The following ERICH3 variants were observed in gnomAD, a reference collection of about 807,000 sequenced individuals.
ERICH3 encodes glutamate rich 3.
ERICH3 carries 126 observed loss-of-function variants against 131.1 expected under a neutral mutation model. The ratio of observed to expected loss-of-function variants is 0.96; its 90% CI spans 0.83 to 1.11. The LOEUF (loss-of-function observed/expected upper bound fraction) is 1.11. Ranked by LOEUF, ERICH3 falls within the 50% of genes most tolerant of loss-of-function variation. The pLI is 0.00. For synonymous variants in ERICH3, 695 were observed against 644.6 expected, an observed-to-expected ratio of 1.08 and a Z score of -1.18; for missense variants, 2,050 against 1,810.7, an observed-to-expected ratio of 1.13 and a Z score of -2.40.
At position 74,620,846 on chromosome 1, in the gene ERICH3, T is replaced by C; in HGVS notation, c.888A>G (p.Lys296=). The C allele has an allele frequency of 6.2e-7, 1 of 1,613,044 alleles. No homozygotes were observed. The highest frequency in any genetic ancestry group is 1.3e-5 in the African/African-American group (1 of 75,002). The stretch of plus-strand genomic sequence containing the variant: ...GATTATCAGAAGATAGGTGCACATT[T>C]TTCCCCAAATAGATCATTGTAATAG... The part of the protein sequence containing the change: ...NAAITMIYLG[K]NVHLSSDNPD... The change falls in exon 8 of 15, where the codon AAA becomes AAG. Residue 296 remains lysine, a synonymous_variant. Coordinates refer to ENST00000326665, the MANE Select transcript of ERICH3 (RefSeq NM_001002912.5).
chr1:74,593,177 T>C (rs1444678435), intron 11 of ERICH3, among the ~76,000 whole-genome samples: 1 of 152,148 alleles, frequency 6.6e-6, no homozygotes, highest in Admixed American at 6.6e-5. Context: ...GGTGCCATTG[T>C]TCCATGTCCT....
chr1:74,673,343 C>T (rs956080661), intron 1 of ERICH3, among the ~76,000 whole-genome samples, 154 bp downstream of exon 1: 20 of 152,062 alleles, frequency 1.3e-4, no homozygotes, highest in Non-Finnish European at 2.5e-4. Flanking sequence ...CTGCCATCCT[C>T]GCTGCAACCC....
intron 1 of ERICH3, 81 bp downstream of exon 1, chr1:74,673,416 C>T: frequency 6.4e-7 from 1 of 1,559,454 alleles, no homozygotes; most frequent in Admixed American, 1.7e-5. Context: ...CCCCTTCCCT[C>T]CGCAGCAGGA....
chr1:74,629,607 C>T (rs1447889648), intron 7 of ERICH3, among the ~76,000 whole-genome samples: 1 of 152,140 alleles, frequency 6.6e-6, no homozygotes, highest in African/African-American at 2.4e-5. Context: ...GAAGCCCATT[C>T]TCCTGGTCAT....
At chr1:74,664,778 C>T (rs982129889) in intron 1 of ERICH3, among the ~76,000 whole-genome samples, 3 of 152,072 alleles carry the variant, frequency 2.0e-5, no homozygotes, top group African/African-American at 7.2e-5. Context: ...ATTTTCTGTT[C>T]CAACCAGCAT....
intron 1 of ERICH3, among the ~76,000 whole-genome samples, chr1:74,660,267 C>G (rs1360301335): frequency 3.9e-5 from 6 of 151,976 alleles, no homozygotes; most frequent in South Asian, 2.1e-4. Context: ...AAACTTCTTT[C>G]CTTTGTAAAT....
intron 8 of ERICH3, among the ~76,000 whole-genome samples, chr1:74,620,356 A>G (rs1649160217): frequency 6.6e-6 from 1 of 152,240 alleles, no homozygotes; most frequent in African/African-American, 2.4e-5. Flanking sequence ...TCTAAAGAAC[A>G]AATTTCCAAT....
rs1300919507 is a variant in ERICH3 at position 74,584,082 on chromosome 1, A to G, written c.2176+5549T>C. Among the ~76,000 whole-genome samples the G allele has an allele frequency of 5.3e-5, 8 of 152,296 alleles. 1 individual carries two copies. Among genetic ancestry groups the G allele is most frequent in the African/African-American group, 1.9e-4 (8 of 41,568 alleles). On this transcript the variant is annotated intron_variant, in intron 12 of 14. Transcript: ENST00000326665. ...TGCTTTCATCATTCTTTGTGTAGCC[A>G]GTCGATTACCTTCCCAACAACTCAC...
At chr1:74,592,555 G>A (rs970270446) in intron 11 of ERICH3, among the ~76,000 whole-genome samples, 4 of 152,092 alleles carry the variant, frequency 2.6e-5, no homozygotes, top group Non-Finnish European at 5.9e-5. Context: ...CCTACTTTTA[G>A]CTCTGAGAGT....
chr1:74,643,177 A>AGC lies in ERICH3; in HGVS notation c.244-80_244-79insGC. ...CAGTTTAGAGGAAAATAATTCCAAC[A>AGC]GATAACTATATTCTCAATTAGTCCT... On this transcript the variant is annotated intron_variant, in intron 3 of 14. Coordinates refer to ENST00000326665, the MANE Select transcript of ERICH3 (RefSeq NM_001002912.5). 3.8e-6 allele frequency: 4 copies of AGC among 1,063,168 alleles called. No individual in the cohort carries two copies. In the South Asian group the frequency reaches 5.5e-5, roughly 15 times the overall value. 65.9% of individuals were successfully genotyped at this position (1,063,168 alleles called of 1,614,324 possible).
At position 74,631,937 on chromosome 1, in the gene ERICH3, A is replaced by C. The variant is rs532083821; in HGVS notation, c.604-9T>G. ...ATCACTGCCTTCTTGCCCTGTAATC[A>C]TATTTCATCGCATAAGAACCAGTGA... On this transcript the variant is annotated splice_polypyrimidine_tract_variant and intron_variant, in intron 6 of 14. Transcript: ENST00000326665. 9 of 1,604,994 alleles carry C rather than the reference A, an allele frequency of 5.6e-6. No homozygotes were observed. In the South Asian group the frequency reaches 9.9e-5, roughly 18 times the overall value.
At chr1:74,616,700 T>C (rs1648982177) in intron 8 of ERICH3, among the ~76,000 whole-genome samples, 1 of 151,748 alleles carries the variant, frequency 6.6e-6, no homozygotes, top group Non-Finnish European at 1.5e-5. Flanking sequence ...AAGATATAAT[T>C]AGTGAAGGAT....
At chr1:74,624,261 G>T (rs1649338719) in intron 7 of ERICH3, 1 of 152,090 alleles carries the variant, frequency 6.6e-6, no homozygotes. Context: ...ACCAATTTTG[G>T]TTACTATTCC....
At chr1:74,579,806 T>TTACC in intron 12 of ERICH3, 2 of 985,322 alleles carry the variant, frequency 2.0e-6, no homozygotes, top group Non-Finnish European at 2.4e-6. Context: ...CTCCTGTCTT[T>TTACC]TACCTATCAA....
intron 12 of ERICH3, among the ~76,000 whole-genome samples, chr1:74,582,767 T>TTTTGAAGCA (rs1647201465): frequency 6.6e-6 from 1 of 152,202 alleles, no homozygotes; most frequent in South Asian, 2.1e-4. Flanking sequence ...CTTATGATCA[T>TTTTGAAGCA]TTTGAAGCAT....
At chr1:74,629,944 G>C (rs931742793) in intron 7 of ERICH3, among the ~76,000 whole-genome samples, 32 of 152,074 alleles carry the variant, frequency 2.1e-4, no homozygotes, top group Non-Finnish European at 4.4e-4. Context: ...AGGAAAAAGG[G>C]GGCTCTTGCA....
At position 74,573,078 on chromosome 1, in the gene ERICH3, T is replaced by C. The variant is rs549850597; in HGVS notation, c.2632A>G (p.Lys878Glu). 32 of 1,614,164 alleles carry C rather than the reference T, an allele frequency of 2.0e-5. No individual in the cohort carries two copies. The highest frequency in any genetic ancestry group is 8.9e-5 in the East Asian group (4 of 44,878). Reference protein sequence around the residue: ...VGLSKDEAPEKQALMLTVLET... With the variant: ...VGLSKDEAPEEQALMLTVLET... ...AGCACTGTGAGCATCAAGGCTTGCT[T>C]TTCAGGAGCCTCATCTTTACTCAGA... Residue 878 changes from lysine (K) to glutamate (E), a missense_variant, in exon 14 of 15, where the codon AAG (lysine) becomes GAG (glutamate). Transcript: ENST00000326665.
At chr1:74,582,110 G>C (rs1647191727) in intron 12 of ERICH3, among the ~76,000 whole-genome samples, 1 of 152,124 alleles carries the variant, frequency 6.6e-6, no homozygotes, top group African/African-American at 2.4e-5. Flanking sequence ...CTTTTTGTTG[G>C]TGTTGCCTCA....
intron 1 of ERICH3, among the ~76,000 whole-genome samples, chr1:74,650,887 G>A (rs1646527990): frequency 6.6e-6 from 1 of 151,114 alleles, no homozygotes; most frequent in Non-Finnish European, 1.5e-5. Flanking sequence ...TATACACATA[G>A]AAAGAGAGAG....
Sources: gnomAD v4.1 joint callset for allele counts (sites outside exome capture counted in the v4.1 genomes callset) on GRCh38, gnomAD v4.1.1 for gene constraint, MANE v1.5 for transcripts, NCBI Gene and HGNC (gene_info 2026-07-23, HGNC 2026-07-21) for gene names.